GNAZ: variants seen among roughly 807,000 people sequenced by gnomAD.
GNAZ encodes the protein G protein subunit alpha z, also known as guanine nucleotide-binding protein G(z) subunit alpha.
In GNAZ, 3 loss-of-function variants were observed where a neutral mutation model predicts 25.4. The ratio of observed to expected loss-of-function variants is 0.12; its 90% CI spans 0.05 to 0.30. The LOEUF is 0.30. Ranked by LOEUF, GNAZ falls within the 10% of genes least tolerant of loss-of-function variation. The pLI is 1.00. For synonymous variants in GNAZ, 211 were observed against 205.7 expected, an observed-to-expected ratio of 1.03 and a Z score of -0.22; for missense variants, 241 against 501.8, an observed-to-expected ratio of 0.48 and a Z score of 4.97.
At chr22:23,076,865 A>C (rs1376691299) in intron 1 of GNAZ, among the ~76,000 whole-genome samples, 2 of 152,228 alleles carry the variant, frequency 1.3e-5, no homozygotes, top group Non-Finnish European at 2.9e-5. Context: ...GGGCAGGGGA[A>C]GGCACCAGGC....
chr22:23,097,423 T>C (rs2069157746), intron 2 of GNAZ, among the ~76,000 whole-genome samples: 1 of 152,230 alleles, frequency 6.6e-6, no homozygotes, highest in Non-Finnish European at 1.5e-5. Flanking sequence ...GCCATGGTGC[T>C]AGGAGCCTGA....
At chr22:23,109,588 G>C (rs2266999) in intron 2 of GNAZ, among the ~76,000 whole-genome samples, 37,439 of 152,078 alleles carry the variant, frequency 0.25, 4,945 homozygotes, top group East Asian at 0.42. Context: ...GTGTGGAGTT[G>C]AGAGCCATGG....
At chr22:23,107,374 G>A (rs1405192751) in intron 2 of GNAZ, among the ~76,000 whole-genome samples, 1 of 152,168 alleles carries the variant, frequency 6.6e-6, no homozygotes, top group African/African-American at 2.4e-5. Flanking sequence ...CTGCCTACAT[G>A]GGCAGCTGAG....
chr22:23,119,235 A>C (rs923267609), intron 2 of GNAZ, among the ~76,000 whole-genome samples: 1 of 152,226 alleles, frequency 6.6e-6, no homozygotes, highest in Non-Finnish European at 1.5e-5. Flanking sequence ...CCAGGCAAGC[A>C]CCAGGGCCCA....
chr22:23,112,578 A>T (rs1335032773), intron 2 of GNAZ, among the ~76,000 whole-genome samples: 1 of 152,088 alleles, frequency 6.6e-6, no homozygotes, highest in East Asian at 1.9e-4. Flanking sequence ...CTCCTGGTGG[A>T]GTCAGGGTGG....
intron 2 of GNAZ, among the ~76,000 whole-genome samples, chr22:23,117,154 G>A (rs908724517): frequency 2.6e-5 from 4 of 152,148 alleles, no homozygotes; most frequent in African/African-American, 9.7e-5. Flanking sequence ...TACCAGGAAC[G>A]TTGGTAACTG....
intron 2 of GNAZ, among the ~76,000 whole-genome samples, chr22:23,118,190 C>T (rs991603616): frequency 6.6e-6 from 1 of 152,222 alleles, no homozygotes; most frequent in Non-Finnish European, 1.5e-5. Context: ...TTCCACACCA[C>T]CCCAGGGACT....
At position 23,070,654 on chromosome 22, in the gene GNAZ, C is replaced by G. The variant is rs531520050; in HGVS notation, c.-450+84C>G. 6 of 152,256 alleles carry G rather than the reference C, an allele frequency of 3.9e-5. No individual in the cohort carries two copies. In the East Asian group the frequency reaches 1.2e-3, roughly 30 times the overall value. The allele number at this position is 152,256 out of a possible 1,614,324, so 9.4% of individuals were successfully genotyped here. On this transcript the variant is annotated intron_variant, in intron 1 of 2. Coordinates refer to ENST00000615612, the MANE Select transcript of GNAZ (RefSeq NM_002073.4). ...GGCCGGGGCATCCACCTTGCCCCCA[C>G]TTGGGACTCTTCCCAGGCCTTTGTG...
At chr22:23,109,856 T>C (rs948454697) in intron 2 of GNAZ, among the ~76,000 whole-genome samples, 14 of 152,156 alleles carry the variant, frequency 9.2e-5, no homozygotes, top group Non-Finnish European at 1.5e-4. Context: ...GACCCAGCAG[T>C]TGAGCAGGTA....
chr22:23,096,662 G>A (rs1001265143), intron 2 of GNAZ, among the ~76,000 whole-genome samples: 3 of 152,202 alleles, frequency 2.0e-5, no homozygotes, highest in African/African-American at 7.2e-5. Flanking sequence ...GCAAGAGAGT[G>A]TGAGGCTCCG....
chr22:23,083,096 T>G (rs1005922435), intron 1 of GNAZ, among the ~76,000 whole-genome samples: 1 of 151,948 alleles, frequency 6.6e-6, no homozygotes, highest in Admixed American at 6.6e-5. Flanking sequence ...AAGAGGACTC[T>G]CCACACAGAC....
chr22:23,089,918 C>T (rs757131034), intron 1 of GNAZ, among the ~76,000 whole-genome samples: 1 of 152,162 alleles, frequency 6.6e-6, no homozygotes, highest in Non-Finnish European at 1.5e-5. Flanking sequence ...CAGGCAGGTG[C>T]AGACTCTGGC....
intron 2 of GNAZ, among the ~76,000 whole-genome samples, chr22:23,100,194 G>A (rs2069255695): frequency 6.6e-6 from 1 of 152,238 alleles, no homozygotes; most frequent in Admixed American, 6.5e-5. Context: ...TGGGGGACAA[G>A]GAGGAGGCAG....
intron 1 of GNAZ, among the ~76,000 whole-genome samples, chr22:23,084,611 CA>C (rs540663100): frequency 6.6e-6 from 1 of 152,232 alleles, no homozygotes; most frequent in Non-Finnish European, 1.5e-5. Context: ...TGGATGTGAA[CA>C]TATCCTTGCT....
At chr22:23,108,803 C>T (rs1385843734) in intron 2 of GNAZ, among the ~76,000 whole-genome samples, 1 of 152,244 alleles carries the variant, frequency 6.6e-6, no homozygotes, top group Admixed American at 6.5e-5. Context: ...CTGGCCACCC[C>T]AAGTGTTAGC....
chr22:23,086,178 T>G (rs1418253944), intron 1 of GNAZ, among the ~76,000 whole-genome samples: 1 of 152,216 alleles, frequency 6.6e-6, no homozygotes, highest in Non-Finnish European at 1.5e-5. Flanking sequence ...AGAAAAATGC[T>G]GAGTAAAAAC....
chr22:23,089,554 C>T (rs2068905665), intron 1 of GNAZ, among the ~76,000 whole-genome samples: 1 of 152,162 alleles, frequency 6.6e-6, no homozygotes. Flanking sequence ...GAGGTGGCAG[C>T]ACTTTCCCTC....
At chr22:23,098,501 TGGCCTGGTCTCA>T (rs2069191246) in intron 2 of GNAZ, among the ~76,000 whole-genome samples, 1 of 152,226 alleles carries the variant, frequency 6.6e-6, no homozygotes, top group Non-Finnish European at 1.5e-5. Context: ...CAGCAGCCAC[TGGCCTGGTCTCA>T]GGGATCCCTG....
intron 1 of GNAZ, among the ~76,000 whole-genome samples, chr22:23,085,789 G>C (rs1236871630): frequency 6.6e-6 from 1 of 152,242 alleles, no homozygotes; most frequent in Non-Finnish European, 1.5e-5. Flanking sequence ...ACAGAGCAGG[G>C]GGCTGCAACA....
Sources: allele counts gnomAD v4.1 joint callset (sites outside exome capture counted in the v4.1 genomes callset), GRCh38; gene constraint gnomAD v4.1.1; transcripts MANE v1.5; gene names NCBI Gene and HGNC (gene_info 2026-07-23, HGNC 2026-07-21).